Variants in P2RX5 observed in about 807,000 individuals in gnomAD.
P2RX5 encodes the protein purinergic receptor P2X 5, also known as P2X purinoceptor 5.
P2RX5 carries 46 observed loss-of-function variants against 54.1 expected under a neutral mutation model. The observed-to-expected ratio is 0.85, with a 90% CI of 0.67 to 1.09. The LOEUF (loss-of-function observed/expected upper bound fraction) is 1.09. P2RX5 is among the 50% of genes least tolerant of loss of function. P2RX5 has a pLI of 0.00. For missense variants in P2RX5, 566 were observed against 549.8 expected, an observed-to-expected ratio of 1.03 and a Z score of -0.29; for synonymous variants, 226 against 226.4, an observed-to-expected ratio of 1.00 and a Z score of 0.02.
At chr17:3,722,103 C>T in the P2RX5 span, among the ~76,000 whole-genome samples, 5 of 151,822 alleles carry the variant, frequency 3.3e-5, no homozygotes, top group Admixed American at 2.0e-4. Context: ...CGCTTGAACC[C>T]GGGAGGCGGA....
chr17:3,713,767 G>A, the P2RX5 span, among the ~76,000 whole-genome samples: 4 of 148,918 alleles, frequency 2.7e-5, no homozygotes, highest in Admixed American at 6.6e-5. Flanking sequence ...AAAAAATAAA[G>A]TAAAATAAAA....
chr17:3,713,894 G>A, the P2RX5 span, among the ~76,000 whole-genome samples: 1 of 152,088 alleles, frequency 6.6e-6, no homozygotes, highest in East Asian at 1.9e-4. Flanking sequence ...CTGGAAATCT[G>A]AAAAATTGAT....
At chr17:3,696,299 G>T, upstream of P2RX5, 1 of 229,624 alleles carries the variant, frequency 4.4e-6, no homozygotes, top group East Asian at 9.8e-5. Flanking sequence ...CCCTGACACA[G>T]TGACACCCCT....
At chr17:3,680,201 GCATCCTCCACCCTGCA>G (rs2050216320) in intron 10 of P2RX5, among the ~76,000 whole-genome samples, 1 of 132,302 alleles carries the variant, frequency 7.6e-6, no homozygotes. Context: ...CCTCCACCCT[GCATCCTCCACCCTGCA>G]TCCTCCACCC....
At chr17:3,709,497 C>T in the P2RX5 span, among the ~76,000 whole-genome samples, 1 of 152,196 alleles carries the variant, frequency 6.6e-6, no homozygotes, top group African/African-American at 2.4e-5. Flanking sequence ...GATTAAGTTT[C>T]CCTAAGCCAG....
intron 9 of P2RX5, 86 bp from the exon 10 acceptor site, chr17:3,682,064 C>T (rs2050299705): frequency 3.4e-6 from 3 of 892,742 alleles, no homozygotes; most frequent in Admixed American, 1.9e-5. Context: ...CATCCTGCAA[C>T]AGCCCCTAAA....
At chr17:3,722,516 C>T in the P2RX5 span, 1 of 151,748 alleles carries the variant, frequency 6.6e-6, no homozygotes, top group Admixed American at 6.6e-5. Context: ...AACACCTGAG[C>T]TAAATTTAAG....
chr17:3,673,593 C>T lies in P2RX5; in HGVS notation c.*275G>A, dbSNP rs1250036123. 4 of 1,400,892 alleles carry T rather than the reference C, an allele frequency of 2.9e-6. No homozygotes were observed. The highest frequency in any genetic ancestry group is 3.7e-6 in the Non-Finnish European group (4 of 1,078,260). The allele number at this position is 1,400,892 out of a possible 1,614,324, so 86.8% of individuals were successfully genotyped here. Reference sequence around the variant, plus strand: ...GAAGTCATGTTCCCCATTTACAACCCGTTCCCTAGTGCGGGAAGCCAGCCA... The same window carrying T: ...GAAGTCATGTTCCCCATTTACAACCTGTTCCCTAGTGCGGGAAGCCAGCCA... On this transcript the variant is annotated 3_prime_UTR_variant, in exon 12 of 12. Transcript: ENST00000225328.
At chr17:3,711,365 TCA>T in the P2RX5 span, among the ~76,000 whole-genome samples, 2 of 136,110 alleles carry the variant, frequency 1.5e-5, no homozygotes, top group Non-Finnish European at 3.1e-5. Context: ...AGCCCAGCAC[TCA>T]TTCTTTTTTT....
At chr17:3,698,981 G>A (rs564966555), upstream of P2RX5, among the ~76,000 whole-genome samples, 1 of 151,870 alleles carries the variant, frequency 6.6e-6, no homozygotes, top group South Asian at 2.1e-4. Context: ...TGAAGCAGCA[G>A]AACCGCTTGA....
chr17:3,711,367 A>ATTTTTTTTTTTTTTTTTTTTTTTTTT, the P2RX5 span, among the ~76,000 whole-genome samples: 1 of 88,152 alleles, frequency 1.1e-5, no homozygotes. Flanking sequence ...CCCAGCACTC[A>ATTTTTTTTTTTTTTTTTTTTTTTTTT]TTCTTTTTTT....
chr17:3,693,048 A>C (rs1402577038), intron 1 of P2RX5, among the ~76,000 whole-genome samples: 2 of 152,046 alleles, frequency 1.3e-5, no homozygotes, highest in Non-Finnish European at 2.9e-5. Context: ...CAGAAGATAC[A>C]AAAAACTCTT....
At chr17:3,682,991 A>G (rs977267945) in intron 9 of P2RX5, 38 of 152,304 alleles carry the variant, frequency 2.5e-4, no homozygotes, top group African/African-American at 9.2e-4. Flanking sequence ...GCACCACTGC[A>G]CTCCAGCCTG....
the P2RX5 span, among the ~76,000 whole-genome samples, chr17:3,707,259 C>T: frequency 6.6e-6 from 1 of 152,130 alleles, no homozygotes; most frequent in Non-Finnish European, 1.5e-5. Context: ...TATGTGTGAA[C>T]ATTTTCGTAA....
chr17:3,691,591 C>T (rs759265761), intron 2 of P2RX5, 53 bp downstream of exon 2: 61 of 1,611,426 alleles, frequency 3.8e-5, no homozygotes, highest in African/African-American at 1.9e-4. Context: ...GTGACCCACC[C>T]GAACCAGGCA....
At chr17:3,717,570 G>C in the P2RX5 span, 1 of 152,226 alleles carries the variant, frequency 6.6e-6, no homozygotes, top group Non-Finnish European at 1.5e-5. Context: ...CCAGGACTTA[G>C]GTGGGGCCAG....
chr17:3,693,496 G>A (rs1257815845), intron 1 of P2RX5, among the ~76,000 whole-genome samples: 2 of 152,182 alleles, frequency 1.3e-5, no homozygotes, highest in Non-Finnish European at 2.9e-5. Flanking sequence ...AGCACTTTGG[G>A]AGGCCAAGGC....
Position 3,696,016 on chromosome 17 carries a change from C to T in P2RX5, c.-11G>A. The T allele has an allele frequency of 6.2e-7, 1 of 1,613,208 alleles. No homozygotes were observed. The highest frequency in any genetic ancestry group is 8.5e-7 in the Non-Finnish European group (1 of 1,179,568). Reference sequence around the variant, plus strand: ...GCCCGCCTGCCCCATGGCGCGCTCTCAGCCGGGCTTGCGGACCGCCCGGCC... The same window carrying T: ...GCCCGCCTGCCCCATGGCGCGCTCTTAGCCGGGCTTGCGGACCGCCCGGCC... On this transcript the variant is annotated 5_prime_UTR_variant, in exon 1 of 12. Coordinates refer to ENST00000225328, the MANE Select transcript of P2RX5 (RefSeq NM_002561.4).
chr17:3,711,283 G>A, the P2RX5 span, among the ~76,000 whole-genome samples: 11 of 151,170 alleles, frequency 7.3e-5, no homozygotes, highest in Non-Finnish European at 1.0e-4. Flanking sequence ...AACCAAGCAG[G>A]TGTGAAAACC....
Sources: allele counts gnomAD v4.1 joint callset (sites outside exome capture counted in the v4.1 genomes callset), GRCh38; gene constraint gnomAD v4.1.1; transcripts MANE v1.5; gene names NCBI Gene and HGNC (gene_info 2026-07-23, HGNC 2026-07-21).